COL21A1: variants seen among roughly 807,000 people sequenced by gnomAD.
COL21A1 encodes collagen type XXI alpha 1 chain.
Under a neutral mutation model 137.9 loss-of-function variants are expected in COL21A1, and 149 were observed. That is an observed-to-expected ratio of 1.08 (90% confidence interval 0.95 to 1.24). The LOEUF is 1.24. Ranked by LOEUF, COL21A1 falls within the 50% of genes most tolerant of loss-of-function variation. The pLI, the probability that COL21A1 is intolerant of heterozygous loss-of-function variation, is 0.00. For missense variants in COL21A1, 1,167 were observed against 1,158.4 expected (o/e 1.01, Z -0.11); for synonymous variants, 456 against 391.5 (o/e 1.16, Z -1.95).
chr6:56,183,605 T>A (rs1438357562), intron 1 of COL21A1, among the ~76,000 whole-genome samples: 2 of 152,170 alleles, frequency 1.3e-5, no homozygotes, highest in African/African-American at 2.4e-5. Context: ...AGAGAGAGTC[T>A]GTCCCTCTTC....
At chr6:56,174,110 G>C (rs1033931845) in intron 3 of COL21A1, among the ~76,000 whole-genome samples, 2 of 152,036 alleles carry the variant, frequency 1.3e-5, no homozygotes, top group Non-Finnish European at 2.9e-5. Flanking sequence ...GAAGAAATCA[G>C]AGACAAAGTT....
At chr6:56,203,557 A>T (rs1050158056) in intron 1 of COL21A1, among the ~76,000 whole-genome samples, 2 of 152,248 alleles carry the variant, frequency 1.3e-5, no homozygotes, top group Non-Finnish European at 2.9e-5. Context: ...ATATCTTGTC[A>T]TTCTGAAAAC....
At chr6:56,217,849 G>T (rs1284271860) in intron 1 of COL21A1, among the ~76,000 whole-genome samples, 1 of 152,050 alleles carries the variant, frequency 6.6e-6, no homozygotes, top group Non-Finnish European at 1.5e-5. Context: ...TCCAACTCCA[G>T]TTAACTCCAG....
chr6:56,187,104 C>G (rs1031319210), intron 1 of COL21A1, among the ~76,000 whole-genome samples: 1 of 152,074 alleles, frequency 6.6e-6, no homozygotes, highest in East Asian at 1.9e-4. Flanking sequence ...AAGGCTGGAA[C>G]GTCCAAAGTC....
intron 10 of COL21A1, among the ~76,000 whole-genome samples, chr6:56,144,687 A>G (rs1041882810): frequency 6.6e-6 from 1 of 152,192 alleles, no homozygotes; most frequent in Non-Finnish European, 1.5e-5. Context: ...TTAACAGATT[A>G]AAACAACTTG....
intron 9 of COL21A1, among the ~76,000 whole-genome samples, chr6:56,157,593 A>G (rs1582510123): frequency 6.6e-6 from 1 of 152,112 alleles, no homozygotes; most frequent in South Asian, 2.1e-4. Flanking sequence ...GAGCCACTGC[A>G]CCCAGCCTAT....
At chr6:56,230,816 T>C (rs1781513595) in intron 1 of COL21A1, among the ~76,000 whole-genome samples, 1 of 151,980 alleles carries the variant, frequency 6.6e-6, no homozygotes. Context: ...ATGTCATTTA[T>C]CAATTTAGTT....
At chr6:56,194,241 A>C (rs1342888738) in intron 1 of COL21A1, among the ~76,000 whole-genome samples, 1 of 152,224 alleles carries the variant, frequency 6.6e-6, no homozygotes, top group Non-Finnish European at 1.5e-5. Flanking sequence ...ATTATAATTT[A>C]AATTGACAAT....
intron 17 of COL21A1, among the ~76,000 whole-genome samples, chr6:56,099,087 C>T (rs34910254): frequency 0.15 from 23,101 of 151,742 alleles, 1,809 homozygotes; most frequent in Middle Eastern, 0.22. Flanking sequence ...AACGTAAATA[C>T]GTGCTCCTCA....
At chr6:56,243,830 T>C (rs1292066243) in intron 1 of COL21A1, among the ~76,000 whole-genome samples, 1 of 152,212 alleles carries the variant, frequency 6.6e-6, no homozygotes. Context: ...ACCAAGAGTC[T>C]ATGCAGAAAG....
At chr6:56,364,382 A>G (rs1766049494) in intron 1 of COL21A1, among the ~76,000 whole-genome samples, 2 of 152,198 alleles carry the variant, frequency 1.3e-5, no homozygotes, top group Admixed American at 1.3e-4. Flanking sequence ...CTAGCACACA[A>G]TGCTTTTTCA....
intron 9 of COL21A1, among the ~76,000 whole-genome samples, chr6:56,159,617 C>T (rs907662294): frequency 6.6e-6 from 1 of 150,478 alleles, no homozygotes; most frequent in African/African-American, 2.4e-5. Flanking sequence ...AGGTGTAAGC[C>T]ACCATGCCTG....
chr6:56,266,638 T>C (rs535756629), intron 1 of COL21A1, among the ~76,000 whole-genome samples: 40 of 152,366 alleles, frequency 2.6e-4, no homozygotes, highest in African/African-American at 8.7e-4. Flanking sequence ...GTACATACCT[T>C]TTCTGGTAAG....
At position 56,061,207 on chromosome 6, in the gene COL21A1, A is replaced by G. The variant is rs548436882; in HGVS notation, c.2206-170T>C. 15 of 609,506 alleles carry G rather than the reference A, an allele frequency of 2.5e-5. No individual in the cohort carries two copies. The East Asian group carries it at 4.2e-4, about 17-fold the overall frequency. The allele number at this position is 609,506 out of a possible 1,614,324, so 37.8% of individuals were successfully genotyped here. A position where few individuals can be genotyped will look rare whatever the true frequency, so the allele number is the denominator to read the frequency against. On this transcript the variant is annotated intron_variant, in intron 25 of 29. Coordinates refer to ENST00000244728, the MANE Select transcript of COL21A1 (RefSeq NM_030820.4). ...TTGACCAGAAGGGAAATTTCATGTC[A>G]TATTAAACTGTCATTTATCCATCCA... is the stretch of plus-strand genomic sequence containing the variant.
rs1777759288 is a variant in COL21A1, at chr6:56,179,787, TC to T, written c.430del (p.Asp144MetfsTer20). 6.2e-7 allele frequency: 1 copy of T among 1,613,778 alleles called. No individual in the cohort carries two copies. Among genetic ancestry groups the T allele is most frequent in the Non-Finnish European group, 8.5e-7 (1 of 1,179,806 alleles). The stretch of plus-strand genomic sequence containing the variant: ...CTTGACGTCATCTTGGGATTTGCCA[TC>T]CGTAAGTACCACTGCTATCTTAGTC... Reference protein sequence around the residue: ...FLTKIAVVLTDGKSQDDVKDA... With the variant: ...FLTKIAVVLTXGKSQDDVKDA... On this transcript the variant is annotated frameshift_variant, in exon 3 of 30. Coordinates refer to ENST00000244728, the MANE Select transcript of COL21A1 (RefSeq NM_030820.4). LOFTEE classifies it high-confidence loss of function.
At chr6:56,227,602 T>C (rs1781289896) in intron 1 of COL21A1, among the ~76,000 whole-genome samples, 1 of 152,032 alleles carries the variant, frequency 6.6e-6, no homozygotes, top group Non-Finnish European at 1.5e-5. Context: ...GAAAGAATCA[T>C]CAAGAGATAA....
At chr6:56,283,029 G>A (rs1763816832) in intron 1 of COL21A1, among the ~76,000 whole-genome samples, 2 of 152,198 alleles carry the variant, frequency 1.3e-5, no homozygotes, top group East Asian at 3.9e-4. Context: ...ATAATGAGAT[G>A]TTATAGAAAT....
At chr6:56,136,325 T>C (rs1774000632) in intron 12 of COL21A1, among the ~76,000 whole-genome samples, 4 of 152,210 alleles carry the variant, frequency 2.6e-5, no homozygotes, top group Admixed American at 2.6e-4. Context: ...AGCCTACCTA[T>C]TGTCTTGCTT....
At chr6:56,151,792 A>T (rs539904136) in intron 10 of COL21A1, among the ~76,000 whole-genome samples, 3 of 152,120 alleles carry the variant, frequency 2.0e-5, no homozygotes, top group Non-Finnish European at 4.4e-5. Flanking sequence ...GGCCCCACCC[A>T]CACCTACCCA....
Sources: allele counts gnomAD v4.1 joint callset (sites outside exome capture counted in the v4.1 genomes callset), GRCh38; gene constraint gnomAD v4.1.1; transcripts MANE v1.5; gene names NCBI Gene and HGNC (gene_info 2026-07-23, HGNC 2026-07-21).